The following STX1A variants were observed in gnomAD, a reference collection of about 807,000 sequenced individuals.
STX1A encodes syntaxin 1A.
STX1A carries 4 observed loss-of-function variants against 37.8 expected under a neutral mutation model. The ratio of observed to expected loss-of-function variants is 0.11; its 90% CI spans 0.05 to 0.24. The LOEUF (loss-of-function observed/expected upper bound fraction) is 0.24, where lower values mean the gene tolerates loss of function less well. STX1A is among the 10% of genes least tolerant of loss of function. STX1A has a pLI of 1.00. For synonymous variants in STX1A, 135 were observed against 147.4 expected (o/e 0.92, Z 0.61); for missense variants, 251 against 399.9 (o/e 0.63, Z 3.18).
rs902545920 is a variant in STX1A, at chr7:73,705,140, C to A, written c.283+10G>T. The A allele has an allele frequency of 6.2e-7, 1 of 1,613,716 alleles. No individual in the cohort carries two copies. The highest frequency in any genetic ancestry group is 8.5e-7 in the Non-Finnish European group (1 of 1,179,724). On this transcript the variant is annotated intron_variant, in intron 4 of 9. Coordinates refer to ENST00000222812, the MANE Select transcript of STX1A (RefSeq NM_004603.4). The surrounding 1 kb of genome is among the most constrained non-coding windows in gnomAD (Gnocchi z 5.2). ...TGCCCCCCACCCACCCCCAGACAAG[C>A]CTGACTCACTCTTTAACTTGGAACG... is the stretch of plus-strand genomic sequence containing the variant.
At chr7:73,715,645 C>A (rs1341447089) in intron 1 of STX1A, among the ~76,000 whole-genome samples, 1 of 152,298 alleles carries the variant, frequency 6.6e-6, no homozygotes. Context: ...ATGTAATAGT[C>A]TGACTCCTCC....
At position 73,700,844 on chromosome 7, in the gene STX1A, C is replaced by T. The variant is rs782242345; in HGVS notation, c.679-4G>A. On this transcript the variant is annotated splice_region_variant and splice_polypyrimidine_tract_variant and intron_variant, in intron 8 of 9. Coordinates refer to ENST00000222812, the MANE Select transcript of STX1A (RefSeq NM_004603.4). The surrounding 1 kb of genome is among the most constrained non-coding windows in gnomAD (Gnocchi z 4.4). Reference sequence around the variant, plus strand: ...CGATCCTGTCAATCATCTCTCCCTGCGGGGCCGGGGGCACCCGAGCTCCAG... The same window carrying T: ...CGATCCTGTCAATCATCTCTCCCTGTGGGGCCGGGGGCACCCGAGCTCCAG... The T allele has an allele frequency of 2.4e-5, 38 of 1,612,714 alleles. No homozygotes were observed. The highest frequency in any genetic ancestry group is 1.6e-4 in the Middle Eastern group (1 of 6,082).
At position 73,708,724 on chromosome 7, in the gene STX1A, T is replaced by G. The variant is rs781827411; in HGVS notation, c.109-36A>C. The G allele has an allele frequency of 8.7e-6, 14 of 1,601,522 alleles. No individual in the cohort carries two copies. The East Asian group carries it at 3.2e-4, about 36-fold the overall frequency. On this transcript the variant is annotated intron_variant, in intron 2 of 9. Transcript: ENST00000222812. ...AGGCCAGGTGGTCAGGAGAAGGAAA[T>G]CAGGGGAGAAGCCTTCTGGGGCCCA...
chr7:73,707,388 C>T (rs1393395091), intron 3 of STX1A, among the ~76,000 whole-genome samples: 1 of 152,198 alleles, frequency 6.6e-6, no homozygotes, highest in Non-Finnish European at 1.5e-5. Flanking sequence ...GCCACATGGC[C>T]AGGTGCCAGG....
intron 7 of STX1A, chr7:73,703,268 T>C (rs1798732763): frequency 1.8e-6 from 1 of 557,074 alleles, no homozygotes; most frequent in South Asian, 1.9e-5. Flanking sequence ...ACCAGCATTT[T>C]GCAGAGCCGA....
intron 3 of STX1A, among the ~76,000 whole-genome samples, chr7:73,707,482 C>T (rs1308893306): frequency 6.6e-6 from 1 of 152,176 alleles, no homozygotes; most frequent in Admixed American, 6.5e-5. Flanking sequence ...CCATCTGCTC[C>T]CCTGGGAGGC....
chr7:73,711,620 G>A (rs1799106568), intron 1 of STX1A, among the ~76,000 whole-genome samples: 1 of 152,076 alleles, frequency 6.6e-6, no homozygotes, highest in South Asian at 2.1e-4. Context: ...GGGAAACTGA[G>A]GCAGAGCACT....
chr7:73,701,432 G>A (rs1554615871), intron 8 of STX1A, among the ~76,000 whole-genome samples: 1 of 151,984 alleles, frequency 6.6e-6, no homozygotes, highest in Non-Finnish European at 1.5e-5. Context: ...TGAGGCAGGA[G>A]AACTGGTTGA....
chr7:73,714,310 G>A (rs1050960903), intron 1 of STX1A, among the ~76,000 whole-genome samples: 2 of 152,044 alleles, frequency 1.3e-5, no homozygotes, highest in Non-Finnish European at 2.9e-5. Context: ...GTTTCACCAT[G>A]TTGGCCAGGC....
At chr7:73,712,475 C>A (rs901993158) in intron 1 of STX1A, among the ~76,000 whole-genome samples, 1 of 152,018 alleles carries the variant, frequency 6.6e-6, no homozygotes, top group Non-Finnish European at 1.5e-5. Context: ...TCCCTGCCCC[C>A]CCAAATCAGT....
At chr7:73,704,811 T>G in intron 4 of STX1A, 1 of 508,884 alleles carries the variant, frequency 2.0e-6, no homozygotes, top group Non-Finnish European at 3.6e-6. Flanking sequence ...ACTCATGGGG[T>G]GCACGTGTCT....
Position 73,702,437 on chromosome 7 carries a change from G to A in STX1A, c.678+408C>T, listed in dbSNP as rs1798693160. 2.0e-5 allele frequency: 7 copies of A among 353,810 alleles called. No individual in the cohort carries two copies. The highest frequency in any genetic ancestry group is 3.0e-5 in the Non-Finnish European group (6 of 197,652). The allele number at this position is 353,810 out of a possible 1,614,324, so 21.9% of individuals were successfully genotyped here. A position where few individuals can be genotyped will look rare whatever the true frequency, so the allele number is the denominator to read the frequency against. Reference sequence around the variant, plus strand: ...GACTCATTCAAGTTTGAGCCCCACTGGAGAACCTTCGATTTGTTCTTAGGC... The same window carrying A: ...GACTCATTCAAGTTTGAGCCCCACTAGAGAACCTTCGATTTGTTCTTAGGC... On this transcript the variant is annotated intron_variant, in intron 8 of 9. Coordinates refer to ENST00000222812, the MANE Select transcript of STX1A (RefSeq NM_004603.4). This position sits in a 1 kb window ranked among gnomAD's most constrained non-coding sequence, Gnocchi z 4.7.
At chr7:73,704,023 C>T in intron 6 of STX1A, 125 bp downstream of exon 6, 1 of 1,204,268 alleles carries the variant, frequency 8.3e-7, no homozygotes, top group Non-Finnish European at 1.1e-6. Context: ...AACTCAGCAG[C>T]TGCCTCGGGC....
intron 4 of STX1A, 184 bp from the exon 5 acceptor site, chr7:73,704,607 G>T: frequency 1.4e-6 from 1 of 696,052 alleles, no homozygotes; most frequent in Non-Finnish European, 2.4e-6. Context: ...CTGTGACGCT[G>T]TGTGGTGTGT....
Position 73,719,657 on chromosome 7 carries a change from G to A in STX1A, c.-26C>T. ...GCTCCCGGGAGTGGCAGCGGCGCCGGCTGCAGCCGTGTGAGCCCCGCATGC... is the reference window on the plus strand; with the variant it reads ...GCTCCCGGGAGTGGCAGCGGCGCCGACTGCAGCCGTGTGAGCCCCGCATGC... On this transcript the variant is annotated 5_prime_UTR_variant, in exon 1 of 10. Coordinates refer to ENST00000222812, the MANE Select transcript of STX1A (RefSeq NM_004603.4). 4 of 1,180,296 alleles carry A rather than the reference G, an allele frequency of 3.4e-6. No individual in the cohort carries two copies. Among genetic ancestry groups the A allele is most frequent in the Non-Finnish European group, 4.2e-6 (4 of 951,594 alleles). 73.1% of individuals were successfully genotyped at this position (1,180,296 alleles called of 1,614,324 possible).
chr7:73,702,307 G>A lies in STX1A; in HGVS notation c.678+538C>T, dbSNP rs898565778. Among the ~76,000 whole-genome samples the A allele has an allele frequency of 2.0e-5, 3 of 152,166 alleles. No homozygotes were observed. The highest frequency in any genetic ancestry group is 2.9e-5 in the Non-Finnish European group (2 of 68,030). On this transcript the variant is annotated intron_variant, in intron 8 of 9. Transcript: ENST00000222812. The surrounding 1 kb of genome is among the most constrained non-coding windows in gnomAD (Gnocchi z 4.7). ...TCTGTGTAACTTTGGAACCATAGTG[G>A]TGGTGGCACCACCTTTGAGCTTGTC...
chr7:73,708,456 G>T, intron 3 of STX1A, 133 bp downstream of exon 3: 1 of 782,472 alleles, frequency 1.3e-6, no homozygotes. Flanking sequence ...AAACCCTCCC[G>T]ACCCTGGCCC....
Position 73,702,761 on chromosome 7 carries a change from C to T in STX1A, c.678+84G>A. The T allele has an allele frequency of 1.3e-6, 2 of 1,598,982 alleles. No individual in the cohort carries two copies. The highest frequency in any genetic ancestry group is 2.2e-5 in the East Asian group (1 of 44,554). On this transcript the variant is annotated intron_variant, in intron 8 of 9. Coordinates refer to ENST00000222812, the MANE Select transcript of STX1A (RefSeq NM_004603.4). The surrounding 1 kb of genome is among the most constrained non-coding windows in gnomAD (Gnocchi z 4.7). ...ACTTGGTCCCTCCCCGGCAGGGCAG[C>T]GTGTCGGGCAGAAAGGGCGAGGTTA...
intron 1 of STX1A, 27 bp downstream of exon 1, chr7:73,719,575 G>C: frequency 2.5e-6 from 3 of 1,208,262 alleles, no homozygotes; most frequent in Non-Finnish European, 3.1e-6. Context: ...CGGGCGGCGG[G>C]CGGCCGCGCG....
Sources: allele counts gnomAD v4.1 joint callset (sites outside exome capture counted in the v4.1 genomes callset), GRCh38; gene constraint gnomAD v4.1.1; non-coding constraint Gnocchi (gnomAD v3.1); transcripts MANE v1.5; gene names NCBI Gene and HGNC (gene_info 2026-07-23, HGNC 2026-07-21).